Variants in FDX1 observed in about 807,000 individuals in gnomAD.
FDX1 encodes the protein ferredoxin 1, also known as adrenodoxin, mitochondrial.
Under a neutral mutation model 14.9 loss-of-function variants are expected in FDX1, and 9 were observed. The observed-to-expected ratio is 0.60, with a 90% confidence interval of 0.36 to 1.05. FDX1 has a LOEUF of 1.05. Ranked by LOEUF, FDX1 falls within the 50% of genes least tolerant of loss-of-function variation. The probability of loss-of-function intolerance (pLI) is 0.01; values close to 1 mark genes in which losing one functional copy is unlikely to be tolerated. For synonymous variants in FDX1, 92 were observed against 99.4 expected, an observed-to-expected ratio of 0.93 and a Z score of 0.44; for missense variants, 204 against 237.2, an observed-to-expected ratio of 0.86 and a Z score of 0.92.
At chr11:110,434,334 A>ATTTTCTTT (rs1946352532) in intron 1 of FDX1, among the ~76,000 whole-genome samples, 1 of 126,408 alleles carries the variant, frequency 7.9e-6, no homozygotes, top group African/African-American at 3.0e-5. Flanking sequence ...CGCCCTATTG[A>ATTTTCTTT]TTTTTTTTTT....
chr11:110,429,600 C>G (rs575370198), upstream of FDX1, among the ~76,000 whole-genome samples: 8 of 152,180 alleles, frequency 5.3e-5, no homozygotes, highest in African/African-American at 1.9e-4. Flanking sequence ...CAAAATTTCC[C>G]ACTGTTTTTG....
At chr11:110,451,616 G>GTTTT (rs1216908740) in intron 2 of FDX1, among the ~76,000 whole-genome samples, 1 of 152,132 alleles carries the variant, frequency 6.6e-6, no homozygotes, top group African/African-American at 2.4e-5. Context: ...AAATCATTCT[G>GTTTT]TTATAAAAAT....
At chr11:110,450,768 A>G (rs1946480900) in intron 2 of FDX1, among the ~76,000 whole-genome samples, 1 of 152,226 alleles carries the variant, frequency 6.6e-6, no homozygotes, top group Admixed American at 6.5e-5. Context: ...ATTTCTCATA[A>G]AACATCACTT....
intron 2 of FDX1, among the ~76,000 whole-genome samples, chr11:110,448,676 C>G (rs1414439181): frequency 6.6e-6 from 1 of 152,170 alleles, no homozygotes; most frequent in African/African-American, 2.4e-5. Context: ...AAACTTGGTT[C>G]ATGAGTTCAC....
At chr11:110,454,655 A>G (rs1383741594) in intron 2 of FDX1, among the ~76,000 whole-genome samples, 1 of 152,196 alleles carries the variant, frequency 6.6e-6, no homozygotes, top group Non-Finnish European at 1.5e-5. Flanking sequence ...TTGGATAATA[A>G]TAATAATGTT....
chr11:110,449,386 G>T (rs867546554), intron 2 of FDX1, among the ~76,000 whole-genome samples: 1 of 152,192 alleles, frequency 6.6e-6, no homozygotes, highest in Non-Finnish European at 1.5e-5. Flanking sequence ...AAGGCATGAA[G>T]TATGTTATTA....
At chr11:110,433,621 A>G (rs1333854697) in intron 1 of FDX1, among the ~76,000 whole-genome samples, 1 of 152,176 alleles carries the variant, frequency 6.6e-6, no homozygotes, top group Non-Finnish European at 1.5e-5. Flanking sequence ...TTTGAAAAAA[A>G]TGGCAGTTAT....
chr11:110,445,405 GTT>G (rs71057009), intron 2 of FDX1, among the ~76,000 whole-genome samples: 6 of 151,780 alleles, frequency 4.0e-5, no homozygotes, highest in African/African-American at 1.5e-4. Context: ...TTACAGTACA[GTT>G]TTTTTTAAAC....
chr11:110,435,478 AG>A (rs1468063831), intron 1 of FDX1, among the ~76,000 whole-genome samples: 1 of 152,216 alleles, frequency 6.6e-6, no homozygotes, highest in African/African-American at 2.4e-5. Flanking sequence ...ATTTCCTGTA[AG>A]GTAGTAGAGC....
intron 2 of FDX1, among the ~76,000 whole-genome samples, chr11:110,450,052 G>C (rs1470197355): frequency 6.6e-6 from 1 of 152,120 alleles, no homozygotes; most frequent in Non-Finnish European, 1.5e-5. Flanking sequence ...TATTTTCTAA[G>C]GCAGTGGCCC....
intron 1 of FDX1, among the ~76,000 whole-genome samples, chr11:110,431,779 G>A (rs1211166810): frequency 1.3e-5 from 2 of 152,160 alleles, no homozygotes; most frequent in South Asian, 2.1e-4. Context: ...TTGTTTTAAA[G>A]GGGAGCACGT....
chr11:110,452,057 CAT>C lies in FDX1; in HGVS notation c.311-4860_311-4859del, dbSNP rs532934988. ...AAAAGGTGCATCAACCTAAACCTCA[CAT>C]CTTATAAAAACATGAATGCAAAATT... On this transcript the variant is annotated intron_variant, in intron 2 of 3. Transcript: ENST00000260270. Among the ~76,000 whole-genome samples the C allele has an allele frequency of 1.2e-4, 18 of 152,248 alleles. No individual in the cohort carries two copies. In the East Asian group the frequency reaches 3.5e-3, roughly 29 times the overall value.
chr11:110,452,995 T>A (rs1281459554), intron 2 of FDX1, among the ~76,000 whole-genome samples: 1 of 152,240 alleles, frequency 6.6e-6, no homozygotes, highest in Admixed American at 6.5e-5. Flanking sequence ...GAAGCTGCTC[T>A]GTACCCTCAG....
At chr11:110,432,709 T>C (rs1463747453) in intron 1 of FDX1, among the ~76,000 whole-genome samples, 1 of 152,210 alleles carries the variant, frequency 6.6e-6, no homozygotes, top group Non-Finnish European at 1.5e-5. Flanking sequence ...CCTCAAGTAA[T>C]CTGCCTGCTT....
chr11:110,438,914 T>G (rs1371630311), intron 2 of FDX1, among the ~76,000 whole-genome samples: 6 of 152,032 alleles, frequency 3.9e-5, no homozygotes, highest in Non-Finnish European at 8.8e-5. Flanking sequence ...TTTTTTTGTT[T>G]GTTTTTTGAG....
At chr11:110,435,241 G>C (rs531099743) in intron 1 of FDX1, among the ~76,000 whole-genome samples, 36 of 152,216 alleles carry the variant, frequency 2.4e-4, no homozygotes, top group African/African-American at 7.7e-4. Context: ...TGTAAAGATG[G>C]GATCTTGCCA....
chr11:110,443,769 G>T (rs983415477), intron 2 of FDX1, among the ~76,000 whole-genome samples: 1 of 151,888 alleles, frequency 6.6e-6, no homozygotes, highest in Non-Finnish European at 1.5e-5. Flanking sequence ...TTTCTGATTG[G>T]TGTGAGATGG....
chr11:110,460,646 A>T (rs1946550871), intron 3 of FDX1, among the ~76,000 whole-genome samples: 1 of 152,158 alleles, frequency 6.6e-6, no homozygotes, highest in African/African-American at 2.4e-5. Flanking sequence ...TAACTATCTG[A>T]ATGTGTCTCA....
At chr11:110,449,876 C>T (rs763889212) in intron 2 of FDX1, among the ~76,000 whole-genome samples, 2 of 152,194 alleles carry the variant, frequency 1.3e-5, no homozygotes, top group Non-Finnish European at 2.9e-5. Flanking sequence ...AGTTTGCCTG[C>T]CTCGGCCTCC....
Sources: gnomAD v4.1 joint callset for allele counts (sites outside exome capture counted in the v4.1 genomes callset) on GRCh38, gnomAD v4.1.1 for gene constraint, MANE v1.5 for transcripts, NCBI Gene and HGNC (gene_info 2026-07-23, HGNC 2026-07-21) for gene names.